The following PTPRN2 variants were observed in gnomAD, a reference collection of about 807,000 sequenced individuals.
PTPRN2 encodes the protein protein tyrosine phosphatase receptor type N2, also known as receptor-type tyrosine-protein phosphatase N2.
Under a neutral mutation model 118.8 loss-of-function variants are expected in PTPRN2, and 74 were observed. That is an observed-to-expected ratio of 0.62 (90% CI 0.52 to 0.76). The LOEUF (loss-of-function observed/expected upper bound fraction) is 0.76, where lower values mean the gene tolerates loss of function less well. PTPRN2 is among the 30% of genes least tolerant of loss of function. The pLI, the probability that PTPRN2 is intolerant of heterozygous loss-of-function variation, is 0.00. For synonymous variants in PTPRN2, 641 were observed against 608.0 expected (o/e 1.05, Z -0.80); for missense variants, 1,481 against 1,394.4 (o/e 1.06, Z -0.99).
chr7:158,142,030 C>T (rs56101516), intron 6 of PTPRN2, among the ~76,000 whole-genome samples: 8,412 of 152,224 alleles, frequency 0.055, 767 homozygotes, highest in African/African-American at 0.19. Flanking sequence ...CAGACAGTGG[C>T]GGCTTCTTTA....
intron 12 of PTPRN2, among the ~76,000 whole-genome samples, chr7:157,817,474 C>T (rs1378547727): frequency 6.6e-6 from 1 of 152,180 alleles, no homozygotes; most frequent in Non-Finnish European, 1.5e-5. Flanking sequence ...GGTGCCACTG[C>T]CGGAGCCACC....
At chr7:157,814,751 C>T (rs952354510) in intron 12 of PTPRN2, among the ~76,000 whole-genome samples, 3 of 152,346 alleles carry the variant, frequency 2.0e-5, no homozygotes, top group East Asian at 1.9e-4. Flanking sequence ...TCCACAGGCT[C>T]ATTCCATTAT....
At chr7:157,961,003 T>C (rs913937734) in intron 11 of PTPRN2, among the ~76,000 whole-genome samples, 10 of 152,038 alleles carry the variant, frequency 6.6e-5, no homozygotes, top group Admixed American at 6.5e-5. Flanking sequence ...CGAGACTCCG[T>C]CTCAAAAACA....
At chr7:158,516,929 G>A (rs1823619384) in intron 1 of PTPRN2, among the ~76,000 whole-genome samples, 2 of 152,164 alleles carry the variant, frequency 1.3e-5, no homozygotes, top group Admixed American at 6.5e-5. Flanking sequence ...TGCTATTCCT[G>A]TAACCTGCAA....
At chr7:157,581,853 T>C (rs1258895269) in intron 17 of PTPRN2, among the ~76,000 whole-genome samples, 1 of 152,190 alleles carries the variant, frequency 6.6e-6, no homozygotes, top group Non-Finnish European at 1.5e-5. Flanking sequence ...CGTGACTGTG[T>C]CTTTAGAAGA....
intron 17 of PTPRN2, among the ~76,000 whole-genome samples, chr7:157,584,537 A>G (rs1800561705): frequency 1.3e-5 from 2 of 152,266 alleles, no homozygotes; most frequent in African/African-American, 2.4e-5. Flanking sequence ...AAAAACAAGC[A>G]TGGTAACTGC....
Position 158,302,359 on chromosome 7 carries a change from G to A in PTPRN2, c.277+14460C>T, listed in dbSNP as rs115963924. ...AGTGATCCCTCATGTGGGACACAAA[G>A]GCCTAGCCCCCAGCCTTGGTTGGGT... is the stretch of plus-strand genomic sequence containing the variant. On this transcript the variant is annotated intron_variant, in intron 3 of 22. Transcript: ENST00000389418. Among the ~76,000 whole-genome samples, 206 of 152,332 alleles carry A rather than the reference G, an allele frequency of 1.4e-3. 1 individual carries two copies. The highest frequency in any genetic ancestry group is 4.8e-3 in the African/African-American group (199 of 41,572).
chr7:157,989,476 G>A (rs557873766), intron 11 of PTPRN2, among the ~76,000 whole-genome samples: 6 of 150,950 alleles, frequency 4.0e-5, no homozygotes, highest in Non-Finnish European at 7.4e-5. Context: ...TTTTCATAAG[G>A]GGGTAAGACT....
chr7:158,096,930 G>A (rs542686793), intron 10 of PTPRN2, among the ~76,000 whole-genome samples: 1 of 152,274 alleles, frequency 6.6e-6, no homozygotes, highest in South Asian at 2.1e-4. Context: ...TATTACTAAC[G>A]CACAGCACTG....
At chr7:158,040,362 T>C (rs1808363391) in intron 11 of PTPRN2, among the ~76,000 whole-genome samples, 1 of 151,180 alleles carries the variant, frequency 6.6e-6, no homozygotes, top group Non-Finnish European at 1.5e-5. Context: ...CATATACACA[T>C]GCACACACAC....
chr7:157,842,030 A>G (rs780646488), intron 12 of PTPRN2, among the ~76,000 whole-genome samples: 7 of 152,188 alleles, frequency 4.6e-5, no homozygotes, highest in East Asian at 3.9e-4. Context: ...GCCACATCCA[A>G]TTGAAAGTAT....
At chr7:157,774,329 G>C (rs1335139150) in intron 12 of PTPRN2, among the ~76,000 whole-genome samples, 1 of 152,248 alleles carries the variant, frequency 6.6e-6, no homozygotes, top group Non-Finnish European at 1.5e-5. Context: ...GGAATGCCTA[G>C]GGTTGCTGGC....
chr7:158,166,713 C>T (rs954060501), intron 6 of PTPRN2, among the ~76,000 whole-genome samples: 21 of 152,306 alleles, frequency 1.4e-4, no homozygotes, highest in Non-Finnish European at 2.6e-4. Flanking sequence ...CCACTGCGTT[C>T]CCAGGACGTG....
rs902177945 is a variant in PTPRN2, at chr7:157,845,567, C to G, written c.1788+53106G>C. 7.2e-5 allele frequency among the ~76,000 whole-genome samples: 11 copies of G among 152,246 alleles called. No individual in the cohort carries two copies. The highest frequency in any genetic ancestry group is 2.7e-4 in the African/African-American group (11 of 41,468). ...CATGCAGCCTAACTCACCACGTTCC[C>G]GGCCACACAGGGCCAAGAACAGCCC... is the stretch of plus-strand genomic sequence containing the variant. On this transcript the variant is annotated intron_variant, in intron 12 of 22. Coordinates refer to ENST00000389418, the MANE Select transcript of PTPRN2 (RefSeq NM_002847.5). The surrounding 1 kb of genome is among the most constrained non-coding windows in gnomAD (Gnocchi z 4.5).
intron 11 of PTPRN2, among the ~76,000 whole-genome samples, chr7:158,062,418 T>C (rs529382040): frequency 2.6e-5 from 4 of 152,328 alleles, no homozygotes; most frequent in South Asian, 4.1e-4. Flanking sequence ...TGGCAGCCCT[T>C]GCAGCCCTCG....
rs1037016726 is a variant in PTPRN2, at chr7:157,944,141, C to T, written c.1724-45404G>A. ...GAGCCCAGGACAGGCTCCAGATGCCCGGCCTTCATGCAGCAAACACCTTCA... is the reference window on the plus strand; with the variant it reads ...GAGCCCAGGACAGGCTCCAGATGCCTGGCCTTCATGCAGCAAACACCTTCA... On this transcript the variant is annotated intron_variant, in intron 11 of 22. Coordinates refer to ENST00000389418, the MANE Select transcript of PTPRN2 (RefSeq NM_002847.5). This position sits in a 1 kb window ranked among gnomAD's most constrained non-coding sequence, Gnocchi z 4.3. Among the ~76,000 whole-genome samples the T allele has an allele frequency of 3.3e-5, 5 of 152,200 alleles. No homozygotes were observed. The highest frequency in any genetic ancestry group is 7.2e-5 in the African/African-American group (3 of 41,456).
intron 22 of PTPRN2, among the ~76,000 whole-genome samples, chr7:157,544,827 G>C (rs1488600734): frequency 6.6e-6 from 1 of 152,192 alleles, no homozygotes; most frequent in Non-Finnish European, 1.5e-5. Flanking sequence ...GTGCACACGG[G>C]AATGTGTGCG....
In PTPRN2 at chr7:158,535,999, A is replaced by T. The variant is rs1401989391; in HGVS notation, c.113-46214T>A. Among the ~76,000 whole-genome samples, 3 of 150,828 alleles carry T rather than the reference A, an allele frequency of 2.0e-5. No homozygotes were observed. The East Asian group carries it at 5.8e-4, about 29-fold the overall frequency. ...CATCCAAAAGGTTGGGACCTTACTAACCAGAACCCCACACATAACCACACA... is the reference window on the plus strand; with the variant it reads ...CATCCAAAAGGTTGGGACCTTACTATCCAGAACCCCACACATAACCACACA... On this transcript the variant is annotated intron_variant, in intron 1 of 22. Transcript: ENST00000389418.
intron 11 of PTPRN2, among the ~76,000 whole-genome samples, chr7:158,071,418 G>GTGGTGGAGGTGCTCC (rs1811586773): frequency 1.5e-5 from 1 of 68,722 alleles, no homozygotes; most frequent in Non-Finnish European, 3.1e-5. Context: ...GTTGCTCCTG[G>GTGGTGGAGGTGCTCC]TGGTGGAGGT....
Sources: allele counts gnomAD v4.1 joint callset (sites outside exome capture counted in the v4.1 genomes callset), GRCh38; gene constraint gnomAD v4.1.1; non-coding constraint Gnocchi (gnomAD v3.1); transcripts MANE v1.5; gene names NCBI Gene and HGNC (gene_info 2026-07-23, HGNC 2026-07-21).